DDB1: variants seen among roughly 807,000 people sequenced by gnomAD.
DDB1 encodes DNA damage-binding protein 1.
Under a neutral mutation model 133.1 loss-of-function variants are expected in DDB1, and 18 were observed. That is an observed-to-expected ratio of 0.14 (90% confidence interval 0.09 to 0.20). DDB1 has a LOEUF of 0.20. Among genes scored for constraint, DDB1 ranks in the 10% least tolerant of loss-of-function variants. The pLI is 1.00. For missense variants in DDB1, 828 were observed against 1,459.2 expected, an observed-to-expected ratio of 0.57 and a Z score of 7.05; for synonymous variants, 580 against 550.5, an observed-to-expected ratio of 1.05 and a Z score of -0.75.
rs760845787 is a variant in DDB1 at position 61,325,696 on chromosome 11, A to C, written c.677T>G (p.Phe226Cys). Residue 226 changes from phenylalanine (F) to cysteine (C), a missense_variant, in exon 6 of 27, where the codon TTT (phenylalanine) becomes TGT (cysteine). This residue lies in a region of DDB1 where 210 missense variants were observed against 344.8 expected (regional missense o/e 0.61). Transcript: ENST00000301764. ...CTGTCCAATGATGATGGCCCCCCCA[A>C]AGGGCTCTGGGACTGCAGGAAAGAC... ...ASMVIAVPEPFGGAIIIGQES... is the reference protein window; with the variant it reads ...ASMVIAVPEPCGGAIIIGQES... 1.2e-6 allele frequency: 2 copies of C among 1,612,918 alleles called. No homozygotes were observed. Among genetic ancestry groups the C allele is most frequent in the South Asian group, 2.2e-5 (2 of 90,696 alleles).
intron 7 of DDB1, chr11:61,323,738 T>C: frequency 2.1e-6 from 1 of 485,968 alleles, no homozygotes; most frequent in South Asian, 2.5e-5. Context: ...TTCCAGATTA[T>C]ATCCTTTTCT....
chr11:61,322,760 T>G (rs1180596421), intron 8 of DDB1: 2 of 548,160 alleles, frequency 3.6e-6, no homozygotes, highest in Non-Finnish European at 6.5e-6. Flanking sequence ...ATGACCTATT[T>G]GAAGGTAGGA....
intron 26 of DDB1, among the ~76,000 whole-genome samples, chr11:61,300,465 A>G (rs1054474264): frequency 6.6e-6 from 1 of 152,050 alleles, no homozygotes; most frequent in Non-Finnish European, 1.5e-5. Context: ...AGTGAGCAAT[A>G]TCCCAAACTC....
At chr11:61,312,819 G>A (rs1168111882) in intron 16 of DDB1, among the ~76,000 whole-genome samples, 2 of 151,590 alleles carry the variant, frequency 1.3e-5, no homozygotes, top group African/African-American at 2.4e-5. Flanking sequence ...GACTGGTCTC[G>A]AGCTCCTGAC....
chr11:61,315,251 T>C (rs2134914185), intron 12 of DDB1: 1 of 152,388 alleles, frequency 6.6e-6, no homozygotes, highest in South Asian at 2.1e-4. Context: ...CAAAATTGTA[T>C]AGAAATATAT....
intron 25 of DDB1, 141 bp downstream of exon 25, chr11:61,302,116 G>C: frequency 1.4e-6 from 1 of 692,814 alleles, no homozygotes; most frequent in Middle Eastern, 3.2e-4. Flanking sequence ...ACATGAAAAA[G>C]TCAAAAACAA....
chr11:61,307,505 A>G (rs1210179421), intron 21 of DDB1, among the ~76,000 whole-genome samples: 1 of 152,208 alleles, frequency 6.6e-6, no homozygotes, highest in East Asian at 1.9e-4. Flanking sequence ...TTCACAAGTC[A>G]CCCTTTGTTT....
At position 61,311,830 on chromosome 11, in the gene DDB1, T is replaced by A. The variant is rs775273250; in HGVS notation, c.2231A>T (p.Asp744Val). ...GVLSSRIEVQ[D>V]TSGGTTALRP... ...CAAGGCTGTCGTGCCCCCACTCGTG[T>A]CTTGGACTTCAATGCGGCTGGAGAG... Residue 744 changes from aspartate to valine, a missense_variant, in exon 18 of 27, where the codon GAC becomes GTC. By Grantham distance (152) the Asp-to-Val change is radical (BLOSUM62 -3). This residue lies in a region of DDB1 where 396 missense variants were observed against 554.1 expected (regional missense o/e 0.71). Coordinates refer to ENST00000301764, the MANE Select transcript of DDB1 (RefSeq NM_001923.5). The A allele has an allele frequency of 4.3e-6, 7 of 1,613,956 alleles. No homozygotes were observed. Among genetic ancestry groups the A allele is most frequent in the Non-Finnish European group, 2.5e-6 (3 of 1,179,962 alleles).
chr11:61,332,534 C>G (rs1350643021), intron 1 of DDB1: 1 of 190,016 alleles, frequency 5.3e-6, no homozygotes, highest in African/African-American at 2.3e-5. Flanking sequence ...GACTTCCCCA[C>G]AGGAAAATCT....
intron 21 of DDB1, among the ~76,000 whole-genome samples, chr11:61,307,080 G>A (rs894177522): frequency 2.6e-5 from 4 of 152,154 alleles, no homozygotes; most frequent in Non-Finnish European, 5.9e-5. Flanking sequence ...CTGTCACTCG[G>A]TTTGAGATCC....
At chr11:61,330,455 C>G (rs1039999522) in intron 2 of DDB1, among the ~76,000 whole-genome samples, 1 of 152,128 alleles carries the variant, frequency 6.6e-6, no homozygotes, top group Non-Finnish European at 1.5e-5. Flanking sequence ...GGAATAACAA[C>G]GGAAGCTAAA....
chr11:61,319,611 T>C (rs1189728821), intron 10 of DDB1, among the ~76,000 whole-genome samples: 1 of 152,100 alleles, frequency 6.6e-6, no homozygotes. Flanking sequence ...TTTTGTATTT[T>C]AGTAGAGATG....
chr11:61,322,492 G>A (rs1344417868), intron 8 of DDB1, 80 bp from the exon 9 acceptor site: 1 of 1,072,368 alleles, frequency 9.3e-7, no homozygotes, highest in African/African-American at 1.6e-5. Flanking sequence ...TTGTCCAAAA[G>A]AAACTCTCAA....
At chr11:61,301,028 G>A in intron 25 of DDB1, 96 bp from the exon 26 acceptor site, 1 of 1,512,248 alleles carries the variant, frequency 6.6e-7, no homozygotes, top group South Asian at 1.3e-5. Context: ...GCAATCATCA[G>A]GATTAGAAAG....
chr11:61,300,032 A>T lies in DDB1; in HGVS notation c.*104T>A. 8.6e-7 allele frequency: 1 copy of T among 1,160,280 alleles called. No homozygotes were observed. Among genetic ancestry groups the T allele is most frequent in the Non-Finnish European group, 1.3e-6 (1 of 781,840 alleles). 71.9% of individuals were successfully genotyped at this position (1,160,280 alleles called of 1,614,324 possible). ...CTGTGGCTCTGGGGGCAGCTGGCTT[A>T]GGGAAAGGCCTCCCATGGCCAAGAA... On this transcript the variant is annotated 3_prime_UTR_variant, in exon 27 of 27. Coordinates refer to ENST00000301764, the MANE Select transcript of DDB1 (RefSeq NM_001923.5).
chr11:61,327,285 C>G (rs552909514), intron 4 of DDB1, among the ~76,000 whole-genome samples: 43 of 152,244 alleles, frequency 2.8e-4, no homozygotes, highest in African/African-American at 1.0e-3. Context: ...GCCTAGCCAA[C>G]ACGGCAAAAC....
intron 21 of DDB1, 61 bp downstream of exon 21, chr11:61,308,922 G>A: frequency 6.5e-7 from 1 of 1,531,280 alleles, no homozygotes. Context: ...ACCTAAGAGA[G>A]ACACATTCTG....
chr11:61,330,151 A>C, intron 2 of DDB1, 77 bp from the exon 3 acceptor site: 2 of 1,212,556 alleles, frequency 1.6e-6, no homozygotes, highest in Non-Finnish European at 1.2e-6. Context: ...AAGCACACCA[A>C]ATTCTTTAAG....
At chr11:61,312,113 A>C in intron 16 of DDB1, 29 bp from the exon 17 acceptor site, 1 of 1,604,700 alleles carries the variant, frequency 6.2e-7, no homozygotes, top group Non-Finnish European at 8.5e-7. Context: ...GTTTAGACTG[A>C]GGAGACTCAA....
Sources: allele counts gnomAD v4.1 joint callset (sites outside exome capture counted in the v4.1 genomes callset), GRCh38; gene constraint gnomAD v4.1.1; regional missense constraint gnomAD v4.1.1; transcripts MANE v1.5; gene names NCBI Gene and HGNC (gene_info 2026-07-23, HGNC 2026-07-21).